Variants in ASIC2 observed in about 807,000 individuals in gnomAD.
ASIC2 encodes the protein acid sensing ion channel subunit 2, also known as acid-sensing ion channel 2.
Under a neutral mutation model 57.3 loss-of-function variants are expected in ASIC2, and 25 were observed. That is an observed-to-expected ratio of 0.44 (90% CI 0.32 to 0.61). The LOEUF is 0.61. Among genes scored for constraint, ASIC2 ranks in the 20% least tolerant of loss-of-function variants. The pLI, the probability that ASIC2 is intolerant of heterozygous loss-of-function variation, is 0.06. For synonymous variants in ASIC2, 319 were observed against 307.5 expected, an observed-to-expected ratio of 1.04 and a Z score of -0.39; for missense variants, 641 against 738.1, an observed-to-expected ratio of 0.87 and a Z score of 1.52.
chr17:33,443,501 C>A (rs999736987), intron 1 of ASIC2, among the ~76,000 whole-genome samples: 1 of 144,958 alleles, frequency 6.9e-6, no homozygotes, highest in Non-Finnish European at 1.5e-5. Context: ...GCAAGCTCCG[C>A]CTCCCGGGTT....
At chr17:33,659,497 G>A (rs1907181943) in intron 1 of ASIC2, among the ~76,000 whole-genome samples, 1 of 152,166 alleles carries the variant, frequency 6.6e-6, no homozygotes, top group African/African-American at 2.4e-5. Flanking sequence ...CAATACTGTA[G>A]GCAATTGTAA....
chr17:34,093,952 C>A (rs1910425356), intron 1 of ASIC2, among the ~76,000 whole-genome samples: 1 of 152,170 alleles, frequency 6.6e-6, no homozygotes, highest in African/African-American at 2.4e-5. Context: ...CTGTAGAAGG[C>A]AGCAGTCCCC....
chr17:33,234,065 C>A (rs1908207134), intron 1 of ASIC2, among the ~76,000 whole-genome samples: 1 of 152,208 alleles, frequency 6.6e-6, no homozygotes, highest in African/African-American at 2.4e-5. Context: ...CACATGGCCA[C>A]CCTGTCTTCT....
At chr17:33,574,175 A>C (rs1319019156) in intron 1 of ASIC2, among the ~76,000 whole-genome samples, 15 of 152,230 alleles carry the variant, frequency 9.9e-5, no homozygotes, top group Non-Finnish European at 1.8e-4. Flanking sequence ...TTAGCATAAG[A>C]GTTACCATTG....
chr17:33,538,137 T>C (rs985989821), intron 1 of ASIC2, among the ~76,000 whole-genome samples: 12 of 152,228 alleles, frequency 7.9e-5, no homozygotes, highest in Non-Finnish European at 1.6e-4. Context: ...CAAATTTCCA[T>C]ACTCTTTTTA....
chr17:33,843,739 T>A (rs1183623417), intron 1 of ASIC2, among the ~76,000 whole-genome samples: 2 of 152,184 alleles, frequency 1.3e-5, no homozygotes, highest in African/African-American at 4.8e-5. Context: ...AAAATTGAGC[T>A]TGGAAGCCAA....
chr17:33,711,916 C>T (rs1035252570), intron 1 of ASIC2, among the ~76,000 whole-genome samples: 2 of 152,268 alleles, frequency 1.3e-5, no homozygotes, highest in Admixed American at 1.3e-4. Context: ...TCTTCAGAAC[C>T]AGGAAATTAG....
intron 1 of ASIC2, among the ~76,000 whole-genome samples, chr17:33,789,783 T>C (rs1911713477): frequency 6.6e-6 from 1 of 152,160 alleles, no homozygotes; most frequent in Non-Finnish European, 1.5e-5. Context: ...TGGATTTTGG[T>C]CACTTCTGTG....
chr17:33,054,384 C>T (rs1482329359), intron 3 of ASIC2, among the ~76,000 whole-genome samples: 1 of 152,162 alleles, frequency 6.6e-6, no homozygotes, highest in African/African-American at 2.4e-5. Flanking sequence ...CTCAGTTTCC[C>T]CATAGGTAAA....
intron 5 of ASIC2, among the ~76,000 whole-genome samples, chr17:33,024,382 A>G (rs1055169463): frequency 2.0e-5 from 3 of 152,146 alleles, no homozygotes; most frequent in Non-Finnish European, 4.4e-5. Flanking sequence ...AGACCATTTT[A>G]TCTGAAACCC....
intron 1 of ASIC2, among the ~76,000 whole-genome samples, chr17:33,492,820 GTTGCT>G (rs1275281961): frequency 6.6e-6 from 1 of 152,132 alleles, no homozygotes; most frequent in Non-Finnish European, 1.5e-5. Flanking sequence ...GAAGAGGGTG[GTTGCT>G]TTGTGGAATG....
intron 3 of ASIC2, among the ~76,000 whole-genome samples, chr17:33,067,464 G>A (rs1351851626): frequency 5.9e-5 from 9 of 152,180 alleles, no homozygotes; most frequent in Non-Finnish European, 8.8e-5. Context: ...AAGATAAAAG[G>A]GCAGGCAAGG....
chr17:33,707,670 G>A (rs1042989976), intron 1 of ASIC2, among the ~76,000 whole-genome samples: 4 of 152,126 alleles, frequency 2.6e-5, no homozygotes, highest in Admixed American at 6.5e-5. Context: ...GTTCTGCATC[G>A]TATTTATTTT....
chr17:33,504,251 G>A (rs967336559), intron 1 of ASIC2, among the ~76,000 whole-genome samples: 1 of 152,194 alleles, frequency 6.6e-6, no homozygotes, highest in Non-Finnish European at 1.5e-5. Flanking sequence ...CACTATTTCA[G>A]TTGGAGTCTA....
At chr17:33,775,244 A>C (rs987240350) in intron 1 of ASIC2, among the ~76,000 whole-genome samples, 2 of 152,202 alleles carry the variant, frequency 1.3e-5, no homozygotes, top group African/African-American at 4.8e-5. Flanking sequence ...TGGGAAACAG[A>C]GTTCCAGTGA....
chr17:33,776,267 C>A (rs1035740385), intron 1 of ASIC2, among the ~76,000 whole-genome samples: 1 of 152,084 alleles, frequency 6.6e-6, no homozygotes, highest in South Asian at 2.1e-4. Flanking sequence ...GAGGGTGAAA[C>A]CCTCATAATT....
chr17:33,323,711 T>TC (rs1052277862), intron 1 of ASIC2, among the ~76,000 whole-genome samples: 3 of 151,988 alleles, frequency 2.0e-5, no homozygotes, highest in African/African-American at 7.3e-5. Flanking sequence ...GAGACTTCTC[T>TC]CCCCACCACA....
intron 1 of ASIC2, among the ~76,000 whole-genome samples, chr17:33,315,551 TC>T (rs1906610733): frequency 6.6e-6 from 1 of 152,220 alleles, no homozygotes; most frequent in Admixed American, 6.5e-5. Context: ...GTTCGGAGCT[TC>T]CTGGTAAACA....
chr17:33,309,493 C>T (rs937315808), intron 1 of ASIC2, among the ~76,000 whole-genome samples: 1 of 152,138 alleles, frequency 6.6e-6, no homozygotes, highest in Admixed American at 6.5e-5. Context: ...ACCTAAGATG[C>T]TTTCTAGGCT....
Sources: allele counts gnomAD v4.1 joint callset (sites outside exome capture counted in the v4.1 genomes callset), GRCh38; gene constraint gnomAD v4.1.1; transcripts MANE v1.5; gene names NCBI Gene and HGNC (gene_info 2026-07-23, HGNC 2026-07-21).